Variants in FRMPD4 observed in about 807,000 individuals in gnomAD.
FRMPD4 encodes the protein FERM and PDZ domain-containing protein 4.
Under a neutral mutation model 94.1 loss-of-function variants are expected in FRMPD4, and 22 were observed. That is an observed-to-expected ratio of 0.23 (90% CI 0.17 to 0.33). The LOEUF is 0.33. Ranked by LOEUF, FRMPD4 falls within the 10% of genes least tolerant of loss-of-function variation. The pLI, the probability that FRMPD4 is intolerant of heterozygous loss-of-function variation, is 1.00. For synonymous variants in FRMPD4, 631 were observed against 548.6 expected (o/e 1.15, Z -2.10); for missense variants, 1,111 against 1,339.9 (o/e 0.83, Z 2.67).
At chrX:12,052,131 C>T (rs2054822067) in intron 3 of FRMPD4, among the ~76,000 whole-genome samples, 1 of 111,437 alleles carries the variant, frequency 9.0e-6, no homozygotes, top group African/African-American at 3.3e-5. Flanking sequence ...CAATAAGGTC[C>T]AATGGCATTC....
rs757915682 is a variant in FRMPD4, at chrX:11,993,087, GTTTACCAAAC to G, written c.95+115070_95+115079del. Among the ~76,000 whole-genome samples the G allele has an allele frequency of 1.2e-4, 12 of 100,390 alleles. No homozygotes were observed. The East Asian group carries it at 3.1e-3, about 26-fold the overall frequency. The allele number at this position is 100,390 out of a possible 115,157, so 87.2% of individuals were successfully genotyped here. ...TTCCAATTGTAGTTTATTTTTTTCT[GTTTACCAAAC>G]ACCTTTTTAACTGGAGAGAATAGGT... is the stretch of plus-strand genomic sequence containing the variant. On this transcript the variant is annotated intron_variant, in intron 3 of 18. Coordinates refer to the FRMPD4 transcript ENST00000640291.
At chrX:12,545,836 GCCCTTGGC>G (rs2058468564) in intron 2 of FRMPD4, among the ~76,000 whole-genome samples, 2 of 113,100 alleles carry the variant, frequency 1.8e-5, no homozygotes, top group African/African-American at 6.4e-5. Flanking sequence ...CAGTTTGGAA[GCCCTTGGC>G]TTAAGGGAAA....
chrX:12,432,774 T>TATCA (rs1232337458), intron 1 of FRMPD4, among the ~76,000 whole-genome samples: 1 of 112,352 alleles, frequency 8.9e-6, no homozygotes, highest in African/African-American at 3.2e-5. Context: ...TGTTGTGTTC[T>TATCA]ATCATTAGTA....
In FRMPD4 at chrX:11,930,107, C is replaced by CAAAAAAAAAAAAAAA. The variant is rs55973946; in HGVS notation, c.95+52102_95+52116dup. On this transcript the variant is annotated intron_variant, in intron 3 of 18. Coordinates refer to the FRMPD4 transcript ENST00000640291. ...TGGGCAACAGAGTGAGACTCTGTCT[C>CAAAAAAAAAAAAAAA]AAAAAAAAAAAAAAAAAAAAAAAAA... Among the ~76,000 whole-genome samples the CAAAAAAAAAAAAAAA allele has an allele frequency of 1.5e-3, 20 of 13,257 alleles. 6 individuals carry two copies. The highest frequency in any genetic ancestry group is 2.6e-3 in the Non-Finnish European group (20 of 7,639). 11.5% of individuals were successfully genotyped at this position (13,257 alleles called of 115,157 possible).
Position 12,716,702 on chromosome X carries a change from C to T in FRMPD4, c.2243C>T (p.Ala748Val), listed in dbSNP as rs370344979. 7 of 1,209,735 alleles carry T rather than the reference C, an allele frequency of 5.8e-6. No individual in the cohort carries two copies. The highest frequency in any genetic ancestry group is 5.9e-5 in the East Asian group (2 of 33,754). The part of the protein sequence containing the change: ...DICYAENTDD[A>V]EDEDEVSCEE... ...TGTTATGCAGAAAACACTGATGACG[C>T]GGAGGACGAGGACGAGGTGAGCTGC... The change falls in exon 15 of 17, where the codon GCG (alanine) becomes GTG (valine). Residue 748 changes from alanine to valine, a missense_variant. Physicochemically the swap from Ala to Val is moderately conservative, Grantham distance 64 (BLOSUM62 0). Transcript: ENST00000675598.
At chrX:12,541,992 CAT>C (rs1160176192) in intron 2 of FRMPD4, among the ~76,000 whole-genome samples, 1 of 112,162 alleles carries the variant, frequency 8.9e-6, no homozygotes, top group Non-Finnish European at 1.9e-5. Flanking sequence ...ACAAAAACCA[CAT>C]GATTATCTCA....
intron 1 of FRMPD4, among the ~76,000 whole-genome samples, chrX:12,388,848 T>TAC (rs1434370708): frequency 0.012 from 872 of 73,707 alleles, 7 homozygotes; most frequent in Non-Finnish European, 0.02. Flanking sequence ...TATATATATA[T>TAC]ATACACACAA....
chrX:12,348,056 G>A (rs752183767), intron 1 of FRMPD4, among the ~76,000 whole-genome samples: 13 of 111,701 alleles, frequency 1.2e-4, no homozygotes, highest in African/African-American at 4.2e-4. Context: ...TGTTTAGTGG[G>A]AACACTCAAA....
At chrX:12,534,958 A>G (rs1380980493) in intron 2 of FRMPD4, among the ~76,000 whole-genome samples, 1 of 111,596 alleles carries the variant, frequency 9.0e-6, no homozygotes, top group Non-Finnish European at 1.9e-5. Context: ...CAGGGGCAGA[A>G]TGATATGGTT....
chrX:12,540,767 C>T (rs1296751795), intron 2 of FRMPD4, among the ~76,000 whole-genome samples: 1 of 111,880 alleles, frequency 8.9e-6, no homozygotes, highest in Non-Finnish European at 1.9e-5. Flanking sequence ...AACTCTCCAC[C>T]CCAAATCAAC....
chrX:11,943,713 G>A (rs1431803670), intron 3 of FRMPD4, among the ~76,000 whole-genome samples: 3 of 111,666 alleles, frequency 2.7e-5, no homozygotes, highest in Non-Finnish European at 5.6e-5. Flanking sequence ...GTGAATTTTG[G>A]GAGACAATGC....
At chrX:11,999,775 C>G (rs2054514609) in intron 3 of FRMPD4, among the ~76,000 whole-genome samples, 1 of 111,741 alleles carries the variant, frequency 8.9e-6, no homozygotes, top group Non-Finnish European at 1.9e-5. Context: ...GGGAAACAGG[C>G]AGAGGAAGCA....
At chrX:11,968,680 T>A (rs922934902) in intron 3 of FRMPD4, among the ~76,000 whole-genome samples, 2 of 111,454 alleles carry the variant, frequency 1.8e-5, no homozygotes, top group Non-Finnish European at 3.8e-5. Context: ...TGGCCACTCC[T>A]GAATTCCTTA....
chrX:12,496,667 C>A (rs951039363), intron 1 of FRMPD4, among the ~76,000 whole-genome samples: 2 of 111,197 alleles, frequency 1.8e-5, no homozygotes, highest in East Asian at 5.6e-4. Flanking sequence ...TCTACTTGCA[C>A]TTTTAATTTG....
rs192900212 is a variant in FRMPD4, at chrX:12,208,742, T to G, written c.41+69730T>G. On this transcript the variant is annotated intron_variant, in intron 1 of 16. Transcript: ENST00000675598. ...GTAGTAATGAACCTTAGTAATTTTT[T>G]AATATATTTGAACAAATTATTTCAG... Among the ~76,000 whole-genome samples, 1,115 of 112,157 alleles carry G rather than the reference T, an allele frequency of 9.9e-3. 10 individuals are homozygous for G. Among genetic ancestry groups the G allele is most frequent in the African/African-American group, 0.033 (1,019 of 30,980 alleles).
intron 1 of FRMPD4, among the ~76,000 whole-genome samples, chrX:11,839,803 C>A (rs531215847): frequency 1.7e-4 from 19 of 110,070 alleles, no homozygotes; most frequent in African/African-American, 6.3e-4. Flanking sequence ...TTCCTGGCAC[C>A]GTATGTTGTA....
chrX:12,217,875 A>T (rs1242191696), intron 1 of FRMPD4, among the ~76,000 whole-genome samples: 3 of 112,211 alleles, frequency 2.7e-5, no homozygotes, highest in African/African-American at 9.7e-5. Context: ...CCTAAAGTGT[A>T]TGTTGCCATT....
At chrX:12,580,301 A>G (rs975535485) in intron 2 of FRMPD4, among the ~76,000 whole-genome samples, 3 of 111,736 alleles carry the variant, frequency 2.7e-5, no homozygotes, top group African/African-American at 9.8e-5. Context: ...GCTGGAAAAT[A>G]AAGAGAGAAA....
intron 3 of FRMPD4, among the ~76,000 whole-genome samples, chrX:11,883,612 T>C (rs2053826499): frequency 8.9e-6 from 1 of 111,920 alleles, no homozygotes; most frequent in Non-Finnish European, 1.9e-5. Context: ...AAATGGTCCA[T>C]GGTGCTTGAG....
Sources: gnomAD v4.1 joint callset for allele counts (sites outside exome capture counted in the v4.1 genomes callset) on GRCh38, gnomAD v4.1.1 for gene constraint, MANE v1.5 for transcripts, NCBI Gene and HGNC (gene_info 2026-07-23, HGNC 2026-07-21) for gene names.